RBFOX1: variants seen among roughly 807,000 people sequenced by gnomAD.
The protein encoded by RBFOX1 is RNA binding protein fox-1 homolog 1.
A neutral mutation model predicts 57.7 loss-of-function variants in RBFOX1; 8 were observed. The ratio of observed to expected loss-of-function variants is 0.14; its 90% CI spans 0.08 to 0.25. RBFOX1 has a LOEUF of 0.25. Among genes scored for constraint, RBFOX1 ranks in the 10% least tolerant of loss-of-function variants. RBFOX1 has a pLI of 1.00. For synonymous variants in RBFOX1, 326 were observed against 222.4 expected, an observed-to-expected ratio of 1.47 and a Z score of -4.15; for missense variants, 611 against 548.5, an observed-to-expected ratio of 1.11 and a Z score of -1.14.
At chr16:6,828,276 A>G (rs2092388482) in intron 3 of RBFOX1, among the ~76,000 whole-genome samples, 1 of 152,142 alleles carries the variant, frequency 6.6e-6, no homozygotes, top group African/African-American at 2.4e-5. Flanking sequence ...CTGTAATCCC[A>G]GCACTTTGGG....
chr16:6,853,016 G>A (rs2094152496), intron 3 of RBFOX1, among the ~76,000 whole-genome samples: 1 of 152,150 alleles, frequency 6.6e-6, no homozygotes, highest in Non-Finnish European at 1.5e-5. Flanking sequence ...TGGCAGAATT[G>A]GAACAGCTGG....
chr16:5,431,727 A>G (rs1163894325), intron 1 of RBFOX1, among the ~76,000 whole-genome samples: 2 of 152,132 alleles, frequency 1.3e-5, no homozygotes, highest in African/African-American at 4.8e-5. Flanking sequence ...GGGACTACCC[A>G]TAGTCATGCA....
In RBFOX1 at chr16:6,176,954, A is replaced by C. The variant is rs952348638; in HGVS notation, c.-126-140041A>C. 1.5e-4 allele frequency among the ~76,000 whole-genome samples: 23 copies of C among 152,198 alleles called. No homozygotes were observed. The East Asian group carries it at 4.4e-3, about 29-fold the overall frequency. On this transcript the variant is annotated intron_variant, in intron 1 of 15. Transcript: ENST00000550418. Reference sequence around the variant, plus strand: ...CCCAGTGCCTGGACATAGTGGTTCAACCTGTCTTGGTTGTTGGCGTTGAAT... The same window carrying C: ...CCCAGTGCCTGGACATAGTGGTTCACCCTGTCTTGGTTGTTGGCGTTGAAT...
At chr16:6,615,498 G>A (rs1248757313) in intron 2 of RBFOX1, among the ~76,000 whole-genome samples, 1 of 151,728 alleles carries the variant, frequency 6.6e-6, no homozygotes, top group Non-Finnish European at 1.5e-5. Context: ...TGAACCCAAG[G>A]GGCAGAGGTT....
At chr16:5,428,797 CAT>C (rs1371932583) in intron 1 of RBFOX1, among the ~76,000 whole-genome samples, 3 of 152,108 alleles carry the variant, frequency 2.0e-5, no homozygotes, top group South Asian at 4.1e-4. Flanking sequence ...TTTGTAATGA[CAT>C]ATGATTTTTT....
chr16:6,941,050 G>A (rs1012861793), intron 3 of RBFOX1, among the ~76,000 whole-genome samples: 6 of 151,986 alleles, frequency 3.9e-5, no homozygotes, highest in African/African-American at 1.5e-4. Flanking sequence ...GCCTATGTGC[G>A]TGTACGTAAG....
At chr16:6,649,010 G>T (rs2098555511) in intron 2 of RBFOX1, among the ~76,000 whole-genome samples, 1 of 152,048 alleles carries the variant, frequency 6.6e-6, no homozygotes, top group Non-Finnish European at 1.5e-5. Context: ...ATTACAACAT[G>T]TTGTGAACTG....
intron 3 of RBFOX1, among the ~76,000 whole-genome samples, chr16:5,849,192 C>A (rs2056829789): frequency 6.6e-6 from 1 of 151,968 alleles, no homozygotes; most frequent in African/African-American, 2.4e-5. Flanking sequence ...GGCCTTCAAG[C>A]AAATGCATTA....
chr16:6,483,807 TCCGGGGCTGCTG>T, intron 2 of RBFOX1: 1 of 1,363,726 alleles, frequency 7.3e-7, no homozygotes, highest in East Asian at 2.8e-5. Flanking sequence ...CGTGTGCGCC[TCCGGGGCTGCTG>T]ATTAGAATAG....
At chr16:5,852,383 G>A (rs934280148) in intron 3 of RBFOX1, among the ~76,000 whole-genome samples, 1 of 152,176 alleles carries the variant, frequency 6.6e-6, no homozygotes, top group East Asian at 1.9e-4. Flanking sequence ...CAAAGATGTG[G>A]TTTAGTTGAA....
intron 2 of RBFOX1, among the ~76,000 whole-genome samples, chr16:6,525,157 A>T (rs2096561302): frequency 6.6e-6 from 1 of 152,288 alleles, no homozygotes; most frequent in South Asian, 2.1e-4. Context: ...ATTGCTTGCA[A>T]ACATCCTGAA....
chr16:6,412,403 A>G (rs1003184611), intron 2 of RBFOX1, among the ~76,000 whole-genome samples: 5 of 152,172 alleles, frequency 3.3e-5, no homozygotes, highest in Admixed American at 3.3e-4. Flanking sequence ...AGGCCTTATT[A>G]GTCTCTCTGG....
chr16:6,746,347 T>G (rs2073635925), intron 3 of RBFOX1, among the ~76,000 whole-genome samples: 2 of 152,108 alleles, frequency 1.3e-5, no homozygotes, highest in African/African-American at 4.8e-5. Context: ...ATGAATACTG[T>G]ATGATTTGCA....
intron 3 of RBFOX1, among the ~76,000 whole-genome samples, chr16:6,896,642 C>G (rs147964004): frequency 6.6e-6 from 1 of 152,254 alleles, no homozygotes; most frequent in African/African-American, 2.4e-5. Flanking sequence ...TTCAAACGCA[C>G]TTAGAACAGT....
At chr16:6,917,591 G>A (rs6500874) in intron 3 of RBFOX1, among the ~76,000 whole-genome samples, 2 of 151,578 alleles carry the variant, frequency 1.3e-5, no homozygotes, top group African/African-American at 4.9e-5. Flanking sequence ...AAGTTAGGAA[G>A]CTCTGACACC....
At chr16:7,166,644 T>A (rs958172704) in intron 4 of RBFOX1, among the ~76,000 whole-genome samples, 1 of 152,132 alleles carries the variant, frequency 6.6e-6, no homozygotes, top group African/African-American at 2.4e-5. Flanking sequence ...CCCTGAGCAG[T>A]CTGGTGAGGA....
intron 2 of RBFOX1, among the ~76,000 whole-genome samples, chr16:6,426,200 C>A (rs748089718): frequency 6.6e-6 from 1 of 151,844 alleles, no homozygotes; most frequent in African/African-American, 2.4e-5. Context: ...TTCGTTCTGT[C>A]CCTCTTTCCC....
intron 1 of RBFOX1, among the ~76,000 whole-genome samples, chr16:5,334,496 T>C (rs1596553671): frequency 6.6e-6 from 1 of 152,006 alleles, no homozygotes; most frequent in Admixed American, 6.6e-5. Flanking sequence ...GATGGTTGGG[T>C]CTTGCTCATT....
intron 3 of RBFOX1, among the ~76,000 whole-genome samples, chr16:6,924,169 A>T (rs186216349): frequency 3.1e-4 from 46 of 146,742 alleles, no homozygotes; most frequent in Admixed American, 4.8e-4. Context: ...TCTGTCTCAA[A>T]AATAATAATA....
Sources: allele counts gnomAD v4.1 joint callset (sites outside exome capture counted in the v4.1 genomes callset), GRCh38; gene constraint gnomAD v4.1.1; transcripts MANE v1.5; gene names NCBI Gene and HGNC (gene_info 2026-07-23, HGNC 2026-07-21).